The following ADD3 variants were observed in gnomAD, a reference collection of about 807,000 sequenced individuals.
ADD3 encodes the protein gamma-adducin.
Under a neutral mutation model 80.2 loss-of-function variants are expected in ADD3, and 25 were observed. That is an observed-to-expected ratio of 0.31 (90% CI 0.23 to 0.44). The LOEUF is 0.44. Ranked by LOEUF, ADD3 falls within the 20% of genes least tolerant of loss-of-function variation. The pLI is 1.00. For synonymous variants in ADD3, 284 were observed against 289.6 expected (o/e 0.98, Z 0.20); for missense variants, 829 against 847.5 (o/e 0.98, Z 0.27).
At chr10:109,999,650 A>C (rs1444985580) in intron 1 of ADD3, among the ~76,000 whole-genome samples, 1 of 152,256 alleles carries the variant, frequency 6.6e-6, no homozygotes, top group African/African-American at 2.4e-5. Flanking sequence ...AATGTAGTAT[A>C]AACTTCAAGC....
intron 1 of ADD3, among the ~76,000 whole-genome samples, chr10:110,008,776 A>G (rs1433475064): frequency 6.6e-6 from 1 of 152,052 alleles, no homozygotes; most frequent in Non-Finnish European, 1.5e-5. Flanking sequence ...CTCCTCATTT[A>G]AAAAAAATTT....
chr10:110,121,303 G>A (rs1314104386), intron 8 of ADD3, among the ~76,000 whole-genome samples: 1 of 152,066 alleles, frequency 6.6e-6, no homozygotes, highest in African/African-American at 2.4e-5. Context: ...GACCAACATG[G>A]AGAAACCCCG....
At chr10:110,073,198 A>C (rs1844985257) in intron 1 of ADD3, among the ~76,000 whole-genome samples, 1 of 132,642 alleles carries the variant, frequency 7.5e-6, no homozygotes, top group Non-Finnish European at 1.5e-5. Context: ...GCTGGAGTGC[A>C]GTGGCATTAT....
intron 1 of ADD3, among the ~76,000 whole-genome samples, chr10:110,095,558 T>G (rs1255990031): frequency 1.3e-5 from 2 of 152,256 alleles, no homozygotes; most frequent in Non-Finnish European, 2.9e-5. Flanking sequence ...TTCCTTTTAT[T>G]GCCATGTAAT....
intron 1 of ADD3, among the ~76,000 whole-genome samples, chr10:110,100,349 CAAAAA>C (rs750807063): frequency 1.3e-5 from 1 of 74,980 alleles, no homozygotes. Flanking sequence ...GACTCCATCT[CAAAAA>C]AAAAAAAAAA....
chr10:110,096,160 T>G (rs552069363), intron 1 of ADD3, among the ~76,000 whole-genome samples: 2 of 152,276 alleles, frequency 1.3e-5, no homozygotes, highest in South Asian at 4.1e-4. Flanking sequence ...TAAAAATATT[T>G]TTTTGGAAAA....
chr10:110,065,357 G>C (rs913527188), intron 1 of ADD3, among the ~76,000 whole-genome samples: 1 of 151,698 alleles, frequency 6.6e-6, no homozygotes, highest in African/African-American at 2.4e-5. Context: ...TAGGCAGTCT[G>C]TCCCTGGACC....
intron 1 of ADD3, among the ~76,000 whole-genome samples, chr10:110,065,250 A>G (rs1190789826): frequency 6.6e-6 from 1 of 152,002 alleles, no homozygotes; most frequent in African/African-American, 2.4e-5. Flanking sequence ...TCCTAGACTG[A>G]CATCTTGTCA....
At chr10:110,118,804 A>G in intron 6 of ADD3, 68 bp downstream of exon 6, 3 of 1,462,154 alleles carry the variant, frequency 2.1e-6, no homozygotes, top group Non-Finnish European at 2.8e-6. Flanking sequence ...CTTTCTCAAC[A>G]GGATGCTTTA....
chr10:110,092,732 G>A (rs542316144), intron 1 of ADD3, among the ~76,000 whole-genome samples: 1 of 152,084 alleles, frequency 6.6e-6, no homozygotes, highest in South Asian at 2.1e-4. Context: ...TAAAAGGGGT[G>A]GGGAAACATT....
At chr10:110,128,396 TA>T (rs1403403640) in intron 12 of ADD3, among the ~76,000 whole-genome samples, 7 of 151,818 alleles carry the variant, frequency 4.6e-5, no homozygotes, top group African/African-American at 1.7e-4. Flanking sequence ...ATTTTGATGT[TA>T]ACTTTTTTAA....
intron 14 of ADD3, among the ~76,000 whole-genome samples, chr10:110,133,016 C>A (rs1278500182): frequency 6.6e-6 from 1 of 151,674 alleles, no homozygotes; most frequent in Non-Finnish European, 1.5e-5. Context: ...GCCAAATGAT[C>A]CCAAAACTAG....
intron 2 of ADD3, among the ~76,000 whole-genome samples, chr10:110,107,089 G>A (rs1849476143): frequency 6.6e-6 from 1 of 152,008 alleles, no homozygotes; most frequent in African/African-American, 2.4e-5. Flanking sequence ...TATTAATTGA[G>A]CACTGAACTA....
At chr10:110,007,686 C>T (rs1187004669), upstream of ADD3, among the ~76,000 whole-genome samples, 1 of 152,272 alleles carries the variant, frequency 6.6e-6, no homozygotes, top group South Asian at 2.1e-4. Flanking sequence ...TGCAGGCCCC[C>T]ACCGCTGCGG....
chr10:110,002,705 C>T (rs1851510160), upstream of ADD3, among the ~76,000 whole-genome samples: 1 of 151,246 alleles, frequency 6.6e-6, no homozygotes, highest in South Asian at 2.1e-4. Context: ...TTTAAGTTAC[C>T]AAATAGAAAA....
intron 1 of ADD3, among the ~76,000 whole-genome samples, chr10:110,095,359 T>C (rs888981767): frequency 5.9e-5 from 9 of 152,252 alleles, no homozygotes; most frequent in African/African-American, 1.9e-4. Flanking sequence ...ATAAATCTCA[T>C]TGGCGGCCAC....
At chr10:110,048,473 TC>T (rs1321421667) in intron 1 of ADD3, among the ~76,000 whole-genome samples, 1 of 152,184 alleles carries the variant, frequency 6.6e-6, no homozygotes, top group Non-Finnish European at 1.5e-5. Context: ...GTTTGGAACT[TC>T]CTAGAGACTT....
At chr10:110,013,532 G>GTAACA (rs1410661115) in intron 1 of ADD3, among the ~76,000 whole-genome samples, 2 of 152,158 alleles carry the variant, frequency 1.3e-5, no homozygotes, top group African/African-American at 4.8e-5. Context: ...TTTAAGGACA[G>GTAACA]TAACATAATG....
At chr10:110,016,246 G>T (rs12571773) in intron 1 of ADD3, among the ~76,000 whole-genome samples, 11 of 152,138 alleles carry the variant, frequency 7.2e-5, no homozygotes, top group African/African-American at 2.7e-4. Context: ...TTTCCTTACA[G>T]AACTCAGCCA....
Sources: allele counts gnomAD v4.1 joint callset (sites outside exome capture counted in the v4.1 genomes callset), GRCh38; gene constraint gnomAD v4.1.1; transcripts MANE v1.5; gene names NCBI Gene and HGNC (gene_info 2026-07-23, HGNC 2026-07-21).